MED19: variants seen among roughly 807,000 people sequenced by gnomAD.
MED19 encodes the protein mediator of RNA polymerase II transcription subunit 19.
MED19 carries 4 observed loss-of-function variants against 19.9 expected under a neutral mutation model. The observed-to-expected ratio is 0.20, with a 90% confidence interval of 0.10 to 0.46. MED19 has a LOEUF of 0.46. Ranked by LOEUF, MED19 falls within the 20% of genes least tolerant of loss-of-function variation. MED19 has a pLI of 0.99. For missense variants in MED19, 303 were observed against 318.7 expected, an observed-to-expected ratio of 0.95 and a Z score of 0.38; for synonymous variants, 139 against 119.6, an observed-to-expected ratio of 1.16 and a Z score of -1.06.
chr11:57,709,285 G>GCAGGAGAAT (rs200849230), intron 1 of MED19, among the ~76,000 whole-genome samples: 13,206 of 152,072 alleles, frequency 0.087, 788 homozygotes, highest in Non-Finnish European at 0.11. Context: ...GGAGGCTGAG[G>GCAGGAGAAT]CAGGAGAATC....
chr11:57,706,511 C>T (rs1021854105), intron 1 of MED19, among the ~76,000 whole-genome samples: 12 of 152,176 alleles, frequency 7.9e-5, no homozygotes, highest in Non-Finnish European at 1.3e-4. Context: ...TGGCTCACGC[C>T]TGTAATCCCA....
In MED19 at chr11:57,711,484, G is replaced by T. The variant is rs557000755; in HGVS notation, c.217+479C>A. 1.2e-4 allele frequency among the ~76,000 whole-genome samples: 18 copies of T among 152,258 alleles called. No individual in the cohort carries two copies. The South Asian group carries it at 3.7e-3, about 32-fold the overall frequency. The stretch of plus-strand genomic sequence containing the variant: ...TTCTCCCGCCTCAGCCTCCCGAGTA[G>T]CTGGAATTAAAGGTATACGCCACCA... On this transcript the variant is annotated intron_variant, in intron 1 of 4. Coordinates refer to ENST00000431606, the Ensembl canonical transcript of MED19.
At chr11:57,711,842 T>C in intron 1 of MED19, 121 bp downstream of exon 1, 1 of 1,116,436 alleles carries the variant, frequency 9.0e-7, no homozygotes, top group Non-Finnish European at 1.2e-6. Flanking sequence ...GACTTAGGGC[T>C]CCACAGTCCG....
At chr11:57,711,657 G>A (rs1172920651) in intron 1 of MED19, among the ~76,000 whole-genome samples, 1 of 152,070 alleles carries the variant, frequency 6.6e-6, no homozygotes, top group Non-Finnish European at 1.5e-5. Flanking sequence ...CCCAGCCCTA[G>A]GTCATTTTTT....
At chr11:57,703,828 G>A (rs1267377144) in exon 5 of MED19, 2 of 577,486 alleles carry the variant, frequency 3.5e-6, no homozygotes, top group African/African-American at 3.8e-5. Context: ...AGGAAGAGAT[G>A]TCCATGAGAA....
At chr11:57,706,053 G>A (rs1946504901) in intron 1 of MED19, among the ~76,000 whole-genome samples, 1 of 151,926 alleles carries the variant, frequency 6.6e-6, no homozygotes, top group South Asian at 2.1e-4. Flanking sequence ...AAAAGAACTG[G>A]GAGATTTTTT....
chr11:57,707,549 C>T (rs1946523087), intron 1 of MED19, among the ~76,000 whole-genome samples: 2 of 152,184 alleles, frequency 1.3e-5, no homozygotes, highest in Admixed American at 1.3e-4. Context: ...CACTTTCCCT[C>T]TATACCTCTA....
intron 1 of MED19, among the ~76,000 whole-genome samples, chr11:57,710,924 G>A (rs551736665): frequency 6.6e-6 from 1 of 152,066 alleles, no homozygotes; most frequent in Non-Finnish European, 1.5e-5. Flanking sequence ...CAAACTCCTG[G>A]GCTCAAGGGA....
chr11:57,712,151 G>T lies in MED19; in HGVS notation c.29C>A (p.Ala10Asp), dbSNP rs1278115103. 24 of 1,532,452 alleles carry T rather than the reference G, an allele frequency of 1.6e-5. No individual in the cohort carries two copies. Among genetic ancestry groups the T allele is most frequent in the Middle Eastern group, 4.6e-4 (2 of 4,324 alleles). 94.9% of individuals were successfully genotyped at this position (1,532,452 alleles called of 1,614,324 possible). Residue 10 changes from alanine (A) to aspartate (D), a missense_variant, in exon 1 of 5, where the codon GCT (alanine) becomes GAT (aspartate). Around this residue, in one of 2 missense-constraint regions of MED19, gnomAD observed 274 missense variants for 259.2 expected, o/e 1.06. Transcript: ENST00000431606. ...TGGGGGCGGTGGTGGGTCAGCCTGA[G>T]CCCCAAACAGTGCCGTGAAATTCTC...
chr11:57,709,165 T>C (rs1431323250), intron 1 of MED19, among the ~76,000 whole-genome samples: 1 of 152,158 alleles, frequency 6.6e-6, no homozygotes, highest in Non-Finnish European at 1.5e-5. Flanking sequence ...GCGGATCACC[T>C]GAGGTTGGGA....
rs1359279569 is a variant in MED19, at chr11:57,704,956, C to T, written c.474+17G>A. On this transcript the variant is annotated intron_variant, in intron 2 of 4. Transcript: ENST00000431606. Reference sequence around the variant, plus strand: ...TTTAGGCCTCCCCATTTGCCTTCTTCCTCCAACAGGACTCACCGGGCCAGT... The same window carrying T: ...TTTAGGCCTCCCCATTTGCCTTCTTTCTCCAACAGGACTCACCGGGCCAGT... The T allele has an allele frequency of 6.2e-7, 1 of 1,608,762 alleles. No homozygotes were observed. The highest frequency in any genetic ancestry group is 1.3e-5 in the African/African-American group (1 of 74,826).
intron 1 of MED19, among the ~76,000 whole-genome samples, chr11:57,710,939 G>C (rs1358095638): frequency 1.3e-5 from 2 of 152,148 alleles, no homozygotes; most frequent in Non-Finnish European, 2.9e-5. Context: ...AAGGGATTCT[G>C]CCTCGGCCTC....
chr11:57,706,390 AC>A, intron 1 of MED19, among the ~76,000 whole-genome samples: 1 of 151,416 alleles, frequency 6.6e-6, no homozygotes, highest in East Asian at 2.0e-4. Flanking sequence ...GTGATCCGCC[AC>A]CCCCCGCCGC....
rs761066606 is a variant in MED19 at position 57,705,065 on chromosome 11, G to A, written c.382C>T (p.Arg128Cys). The change falls in exon 2 of 5, where the codon CGC (arginine) becomes TGC (cysteine). Residue 128 changes from arginine (R) to cysteine (C), a missense_variant. Around this residue, in one of 2 missense-constraint regions of MED19, gnomAD observed 274 missense variants for 259.2 expected, o/e 1.06. Coordinates refer to ENST00000431606, the Ensembl canonical transcript of MED19. Reference sequence around the variant, plus strand: ...ATAGGGGGCTTCTCAATGAGAGAGCGGAGGCTGCTGTTATCATGGGAACCA... The same window carrying A: ...ATAGGGGGCTTCTCAATGAGAGAGCAGAGGCTGCTGTTATCATGGGAACCA... 1.4e-5 allele frequency: 23 copies of A among 1,614,022 alleles called. No homozygotes were observed. Among genetic ancestry groups the A allele is most frequent in the Admixed American group, 6.7e-5 (4 of 59,992 alleles).
At chr11:57,711,422 G>C (rs1166618190) in intron 1 of MED19, among the ~76,000 whole-genome samples, 1 of 152,144 alleles carries the variant, frequency 6.6e-6, no homozygotes, top group East Asian at 1.9e-4. Flanking sequence ...GAGCAATGTC[G>C]GCTCTCTGCA....
Position 57,708,359 on chromosome 11 carries a change from T to A in MED19, c.218-3130A>T, listed in dbSNP as rs926501628. Among the ~76,000 whole-genome samples the A allele has an allele frequency of 3.3e-5, 5 of 152,150 alleles. No homozygotes were observed. In the South Asian group the frequency reaches 8.3e-4, roughly 25 times the overall value. On this transcript the variant is annotated intron_variant, in intron 1 of 4. Coordinates refer to ENST00000431606, the Ensembl canonical transcript of MED19. ...CTTACTCCAACTTAGCTTTGGGGCC[T>A]CATCAACCACTACTCTCCTATGCAA...
chr11:57,705,447 C>G (rs915726051), intron 1 of MED19, among the ~76,000 whole-genome samples: 1 of 151,948 alleles, frequency 6.6e-6, no homozygotes, highest in Admixed American at 6.6e-5. Context: ...GTCAGGAGAT[C>G]GAGACCATCC....
chr11:57,704,486 G>C lies in MED19; in HGVS notation c.572-90C>G, dbSNP rs371072172. On this transcript the variant is annotated intron_variant, in intron 3 of 4. Coordinates refer to ENST00000431606, the Ensembl canonical transcript of MED19. ...GAAGACTACAGGAAAATCCCAAGTC[G>C]GGGCAACTGCTTTTGTCCAAATGGC... is the stretch of plus-strand genomic sequence containing the variant. 20 of 1,559,058 alleles carry C rather than the reference G, an allele frequency of 1.3e-5. No individual in the cohort carries two copies. The South Asian group carries it at 2.3e-4, about 18-fold the overall frequency.
intron 1 of MED19, 72 bp from the exon 2 acceptor site, chr11:57,705,301 T>A: frequency 6.8e-7 from 1 of 1,470,288 alleles, no homozygotes; most frequent in Non-Finnish European, 9.2e-7. Flanking sequence ...GACTATATAT[T>A]AACCTAAATA....
Sources: allele counts gnomAD v4.1 joint callset (sites outside exome capture counted in the v4.1 genomes callset), GRCh38; gene constraint gnomAD v4.1.1; regional missense constraint gnomAD v4.1.1; transcripts MANE v1.5; gene names NCBI Gene and HGNC (gene_info 2026-07-23, HGNC 2026-07-21).